The following DNAJC3 variants were observed in gnomAD, a reference collection of about 807,000 sequenced individuals.
DNAJC3 encodes the protein dnaJ homolog subfamily C member 3.
A neutral mutation model predicts 68.6 loss-of-function variants in DNAJC3; 38 were observed. The observed-to-expected ratio is 0.55, with a 90% CI of 0.43 to 0.73. The LOEUF (loss-of-function observed/expected upper bound fraction) is 0.73, where lower values mean the gene tolerates loss of function less well. Ranked by LOEUF, DNAJC3 falls within the 30% of genes least tolerant of loss-of-function variation. The pLI is 0.00. For synonymous variants in DNAJC3, 203 were observed against 204.0 expected (o/e 1.00, Z 0.04); for missense variants, 526 against 591.9 (o/e 0.89, Z 1.16).
At chr13:95,774,114 G>C (rs1449619272) in intron 9 of DNAJC3, among the ~76,000 whole-genome samples, 1 of 152,032 alleles carries the variant, frequency 6.6e-6, no homozygotes, top group East Asian at 1.9e-4. Flanking sequence ...ATTGATTTCT[G>C]CTCTTTAGTT....
At chr13:95,754,566 G>T (rs1882593116) in intron 4 of DNAJC3, among the ~76,000 whole-genome samples, 1 of 152,176 alleles carries the variant, frequency 6.6e-6, no homozygotes, top group Non-Finnish European at 1.5e-5. Flanking sequence ...CCAGGCATGG[G>T]CTGGGTGCAG....
intron 4 of DNAJC3, among the ~76,000 whole-genome samples, chr13:95,740,857 T>A (rs1296339852): frequency 6.6e-6 from 1 of 152,236 alleles, no homozygotes; most frequent in African/African-American, 2.4e-5. Flanking sequence ...TAAGTGTATT[T>A]TAAAATTTCA....
At chr13:95,716,490 AGT>A (rs1003016760) in intron 2 of DNAJC3, among the ~76,000 whole-genome samples, 7 of 152,208 alleles carry the variant, frequency 4.6e-5, no homozygotes, top group African/African-American at 1.7e-4. Flanking sequence ...GGACGGGGCC[AGT>A]GTGACAGCCT....
At chr13:95,750,500 A>G (rs1882441585) in intron 4 of DNAJC3, among the ~76,000 whole-genome samples, 1 of 151,574 alleles carries the variant, frequency 6.6e-6, no homozygotes, top group Non-Finnish European at 1.5e-5. Context: ...ACAGCAAGTT[A>G]TATAATTATT....
chr13:95,686,001 G>A (rs560241655), intron 1 of DNAJC3, among the ~76,000 whole-genome samples: 8 of 149,918 alleles, frequency 5.3e-5, no homozygotes, highest in African/African-American at 1.2e-4. Flanking sequence ...TTGCTCTGTC[G>A]CCCAGGCTGG....
At chr13:95,787,523 C>T (rs1423310518) in intron 11 of DNAJC3, among the ~76,000 whole-genome samples, 1 of 152,148 alleles carries the variant, frequency 6.6e-6, no homozygotes, top group Non-Finnish European at 1.5e-5. Flanking sequence ...CTTACAGGAG[C>T]TTGATGAGGA....
intron 9 of DNAJC3, among the ~76,000 whole-genome samples, chr13:95,778,097 G>A (rs1364866380): frequency 6.6e-6 from 1 of 152,074 alleles, no homozygotes; most frequent in Non-Finnish European, 1.5e-5. Flanking sequence ...TGGCCATGCT[G>A]CCCAGAGTGA....
intron 4 of DNAJC3, among the ~76,000 whole-genome samples, chr13:95,736,833 C>A (rs1311430106): frequency 3.9e-4 from 58 of 147,478 alleles, no homozygotes; most frequent in Admixed American, 7.4e-4. Context: ...GCCTAATTGC[C>A]CTGGCCAGAA....
chr13:95,734,361 TA>T (rs1881818833), intron 4 of DNAJC3, among the ~76,000 whole-genome samples: 1 of 152,178 alleles, frequency 6.6e-6, no homozygotes, highest in Admixed American at 6.5e-5. Flanking sequence ...TGCAGGCCAG[TA>T]AGGTTTCTGC....
intron 1 of DNAJC3, among the ~76,000 whole-genome samples, chr13:95,685,464 G>C (rs1295553974): frequency 6.6e-6 from 1 of 152,180 alleles, no homozygotes; most frequent in Non-Finnish European, 1.5e-5. Flanking sequence ...TAGGTGGAAG[G>C]GACTTGGCTT....
chr13:95,772,561 A>G (rs1240352390), intron 9 of DNAJC3, among the ~76,000 whole-genome samples: 1 of 152,068 alleles, frequency 6.6e-6, no homozygotes, highest in African/African-American at 2.4e-5. Context: ...AGTTTTATCC[A>G]TTTTGGTGTG....
chr13:95,787,082 TGAA>T lies in DNAJC3; in HGVS notation c.1291_1293del (p.Glu431del). 9.3e-6 allele frequency: 15 copies of T among 1,613,924 alleles called. No individual in the cohort carries two copies. The highest frequency in any genetic ancestry group is 1.3e-5 in the Non-Finnish European group (15 of 1,179,918). On this transcript the variant is annotated inframe_deletion, in exon 11 of 12. Transcript: ENST00000602402. ...AGTGGCACCCAGATAACTTCCAGAA[TGAA>T]GAAGAAAAGAAAAAAGCTGAGAAAA...
chr13:95,678,828 A>C (rs1359875393), intron 1 of DNAJC3, among the ~76,000 whole-genome samples: 2 of 152,118 alleles, frequency 1.3e-5, no homozygotes, highest in Non-Finnish European at 2.9e-5. Flanking sequence ...AAGGACTCTT[A>C]ACTCTTCATT....
In DNAJC3 at chr13:95,793,963, G is replaced by A. The variant is rs957474377; in HGVS notation, c.*2933G>A. ...AAGCATTGTGAAAAGGTTCCAAAAC[G>A]GGAGACAAAATTTAATTCATTCCTC... On this transcript the variant is annotated 3_prime_UTR_variant, in exon 12 of 12. Coordinates refer to ENST00000602402, the MANE Select transcript of DNAJC3 (RefSeq NM_006260.5). 4.6e-5 allele frequency: 7 copies of A among 151,934 alleles called. No homozygotes were observed. The highest frequency in any genetic ancestry group is 8.8e-5 in the Non-Finnish European group (6 of 67,970). The allele number at this position is 151,934 out of a possible 1,614,324, so 9.4% of individuals were successfully genotyped here.
At chr13:95,701,645 T>C (rs1429745320) in intron 1 of DNAJC3, among the ~76,000 whole-genome samples, 1 of 152,226 alleles carries the variant, frequency 6.6e-6, no homozygotes, top group Non-Finnish European at 1.5e-5. Context: ...GGTATACATA[T>C]GAAACAACTC....
chr13:95,750,536 G>C (rs923603274), intron 4 of DNAJC3, among the ~76,000 whole-genome samples: 36 of 151,036 alleles, frequency 2.4e-4, no homozygotes, highest in African/African-American at 8.5e-4. Context: ...TTGAGATGGA[G>C]TTTTGGTCTG....
chr13:95,707,574 G>A (rs570157542), intron 1 of DNAJC3, among the ~76,000 whole-genome samples: 4 of 152,114 alleles, frequency 2.6e-5, no homozygotes, highest in African/African-American at 7.2e-5. Context: ...ACCAGTCCTC[G>A]AATTGCATCT....
At chr13:95,777,216 T>C (rs949042127) in intron 9 of DNAJC3, among the ~76,000 whole-genome samples, 1 of 152,190 alleles carries the variant, frequency 6.6e-6, no homozygotes, top group Non-Finnish European at 1.5e-5. Flanking sequence ...CTCGTAGTTA[T>C]TGTTCTGTTC....
chr13:95,690,784 C>T (rs1170356392), intron 1 of DNAJC3, among the ~76,000 whole-genome samples: 5 of 141,214 alleles, frequency 3.5e-5, no homozygotes, highest in African/African-American at 8.1e-5. Flanking sequence ...GCTGGCCGGG[C>T]GGGGGGCTGA....
Sources: gnomAD v4.1 joint callset for allele counts (sites outside exome capture counted in the v4.1 genomes callset) on GRCh38, gnomAD v4.1.1 for gene constraint, MANE v1.5 for transcripts, NCBI Gene and HGNC (gene_info 2026-07-23, HGNC 2026-07-21) for gene names.